Variants in RAB11A observed in about 807,000 individuals in gnomAD.
The protein encoded by RAB11A is RAB11A, member RAS oncogene family.
A neutral mutation model predicts 28.0 loss-of-function variants in RAB11A; 9 were observed. That is an observed-to-expected ratio of 0.32 (90% confidence interval 0.19 to 0.56). The LOEUF is 0.56. Among genes scored for constraint, RAB11A ranks in the 20% least tolerant of loss-of-function variants. The pLI, the probability that RAB11A is intolerant of heterozygous loss-of-function variation, is 0.91. For synonymous variants in RAB11A, 85 were observed against 88.2 expected (o/e 0.96, Z 0.20); for missense variants, 108 against 269.6 (o/e 0.40, Z 4.20).
At chr15:65,881,720 G>A (rs1316312744) in intron 4 of RAB11A, among the ~76,000 whole-genome samples, 1 of 151,988 alleles carries the variant, frequency 6.6e-6, no homozygotes, top group Non-Finnish European at 1.5e-5. Context: ...GCATGTTGAT[G>A]CACGCCTGTA....
rs1404835739 is a variant in RAB11A at position 65,869,520 on chromosome 15, G to C, written c.-66G>C. On this transcript the variant is annotated 5_prime_UTR_variant, in exon 1 of 5. Coordinates refer to ENST00000261890, the MANE Select transcript of RAB11A (RefSeq NM_004663.5). ...GAAGCTCGGCGCTCGGGTTACCCCTGCAGCGACGCCCCCTGGTCCCACAGA... is the reference window on the plus strand; with the variant it reads ...GAAGCTCGGCGCTCGGGTTACCCCTCCAGCGACGCCCCCTGGTCCCACAGA... 1.3e-6 allele frequency: 2 copies of C among 1,583,608 alleles called. No individual in the cohort carries two copies. Among genetic ancestry groups the C allele is most frequent in the African/African-American group, 2.7e-5 (2 of 74,536 alleles).
At chr15:65,881,013 T>C (rs191785524) in intron 4 of RAB11A, among the ~76,000 whole-genome samples, 3 of 152,320 alleles carry the variant, frequency 2.0e-5, no homozygotes, top group Middle Eastern at 3.4e-3. Flanking sequence ...AAATTACTTA[T>C]CTATCCCTGG....
At chr15:65,881,939 T>A (rs1777615041) in intron 4 of RAB11A, among the ~76,000 whole-genome samples, 1 of 148,850 alleles carries the variant, frequency 6.7e-6, no homozygotes, top group African/African-American at 2.5e-5. Flanking sequence ...TGTGTGCGCC[T>A]GTAGTCCCAG....
chr15:65,884,961 C>A (rs186434819), intron 4 of RAB11A, among the ~76,000 whole-genome samples: 3 of 150,630 alleles, frequency 2.0e-5, no homozygotes, highest in African/African-American at 7.3e-5. Flanking sequence ...GTCGCCCCCA[C>A]CGTTTTTTTT....
chr15:65,874,536 C>T (rs1048709752), intron 1 of RAB11A, among the ~76,000 whole-genome samples: 7 of 151,988 alleles, frequency 4.6e-5, no homozygotes, highest in Admixed American at 1.3e-4. Context: ...CCACCACGCC[C>T]GGCCTAGTTG....
intron 4 of RAB11A, 74 bp downstream of exon 4, chr15:65,879,825 TAACTA>T (rs931906304): frequency 6.2e-6 from 7 of 1,135,798 alleles, no homozygotes; most frequent in Non-Finnish European, 9.1e-6. Context: ...AACTAATCAG[TAACTA>T]AACTATATAT....
At chr15:65,886,345 C>T in intron 4 of RAB11A, among the ~76,000 whole-genome samples, 1 of 152,154 alleles carries the variant, frequency 6.6e-6, no homozygotes, top group East Asian at 1.9e-4. Context: ...TCTTGGATAG[C>T]ACAAATTTAG....
chr15:65,872,089 G>C (rs28622402), intron 1 of RAB11A, among the ~76,000 whole-genome samples: 1 of 151,752 alleles, frequency 6.6e-6, no homozygotes, highest in Non-Finnish European at 1.5e-5. Context: ...GAGTAGCTGA[G>C]ACTACAGGAG....
At chr15:65,885,070 AAG>A (rs970535395) in intron 4 of RAB11A, among the ~76,000 whole-genome samples, 1 of 151,456 alleles carries the variant, frequency 6.6e-6, no homozygotes, top group African/African-American at 2.4e-5. Context: ...CTCAAAAAAA[AAG>A]GCATTCTCCT....
Position 65,869,760 on chromosome 15 carries a change from C to T in RAB11A, c.40+135C>T, listed in dbSNP as rs991347060. The T allele has an allele frequency of 1.4e-5, 13 of 944,292 alleles. No individual in the cohort carries two copies. The African/African-American group carries it at 1.5e-4, about 11-fold the overall frequency. 58.5% of individuals were successfully genotyped at this position (944,292 alleles called of 1,614,324 possible). On this transcript the variant is annotated intron_variant, in intron 1 of 4. Coordinates refer to ENST00000261890, the MANE Select transcript of RAB11A (RefSeq NM_004663.5). ...CCTTCCTTTTTGTGCGGTTCCGTCT[C>T]CTACCCAGCTCAGCCTCTTCTCCCC...
chr15:65,879,785 A>T, intron 4 of RAB11A, 34 bp downstream of exon 4: 1 of 1,456,522 alleles, frequency 6.9e-7, no homozygotes, highest in Admixed American at 1.9e-5. Flanking sequence ...CACCAGTAGG[A>T]CTAGAAGTTT....
intron 1 of RAB11A, among the ~76,000 whole-genome samples, chr15:65,874,146 G>A (rs952185018): frequency 2.0e-5 from 3 of 152,054 alleles, no homozygotes; most frequent in African/African-American, 7.2e-5. Flanking sequence ...TGTATATTCT[G>A]CTTTTATGCA....
At chr15:65,870,590 A>G (rs1321497958) in intron 1 of RAB11A, among the ~76,000 whole-genome samples, 4 of 152,232 alleles carry the variant, frequency 2.6e-5, no homozygotes, top group Non-Finnish European at 5.9e-5. Flanking sequence ...CTGAGCAGGA[A>G]AGGTTGTGCG....
At chr15:65,876,372 C>T (rs1168470915) in intron 1 of RAB11A, among the ~76,000 whole-genome samples, 1 of 152,108 alleles carries the variant, frequency 6.6e-6, no homozygotes, top group Non-Finnish European at 1.5e-5. Flanking sequence ...TCTCGGCCCA[C>T]TGCAACCTCT....
chr15:65,872,193 A>G (rs890433867), intron 1 of RAB11A, among the ~76,000 whole-genome samples: 7 of 151,814 alleles, frequency 4.6e-5, no homozygotes, highest in Admixed American at 1.3e-4. Flanking sequence ...GACTTAAGCA[A>G]TCCACCTTCC....
intron 4 of RAB11A, among the ~76,000 whole-genome samples, chr15:65,880,202 G>GCGTATT (rs1413174245): frequency 4.6e-5 from 7 of 152,180 alleles, no homozygotes; most frequent in Non-Finnish European, 1.0e-4. Context: ...GGTATCCCTT[G>GCGTATT]CGTATTCTAT....
At chr15:65,882,782 T>C (rs2078230794) in intron 4 of RAB11A, among the ~76,000 whole-genome samples, 1 of 152,210 alleles carries the variant, frequency 6.6e-6, no homozygotes, top group African/African-American at 2.4e-5. Flanking sequence ...GCTCCGCCTC[T>C]GAATTTCAGT....
intron 1 of RAB11A, among the ~76,000 whole-genome samples, chr15:65,874,247 A>T (rs1343386440): frequency 1.1e-4 from 16 of 143,632 alleles, no homozygotes; most frequent in South Asian, 2.2e-4. Context: ...TTTTTTTGAG[A>T]TGGAGTTTCA....
chr15:65,873,013 T>C (rs1301216945), intron 1 of RAB11A, among the ~76,000 whole-genome samples: 2 of 152,176 alleles, frequency 1.3e-5, no homozygotes, highest in Non-Finnish European at 2.9e-5. Context: ...AAGGGATATT[T>C]TGATTAATAG....
Sources: gnomAD v4.1 joint callset for allele counts (sites outside exome capture counted in the v4.1 genomes callset) on GRCh38, gnomAD v4.1.1 for gene constraint, MANE v1.5 for transcripts, NCBI Gene and HGNC (gene_info 2026-07-23, HGNC 2026-07-21) for gene names.